The following BICDL2 variants were observed in gnomAD, a reference collection of about 807,000 sequenced individuals.
The protein encoded by BICDL2 is BICD family-like cargo adapter 2.
A neutral mutation model predicts 56.6 loss-of-function variants in BICDL2; 62 were observed. The ratio of observed to expected loss-of-function variants is 1.10; its 90% confidence interval spans 0.89 to 1.35. BICDL2 has a LOEUF of 1.35. Among genes scored for constraint, BICDL2 ranks in the 40% most tolerant of loss-of-function variants. The probability of loss-of-function intolerance (pLI) is 0.00; values close to 1 mark genes in which losing one functional copy is unlikely to be tolerated. For synonymous variants in BICDL2, 358 were observed against 319.8 expected (o/e 1.12, Z -1.27); for missense variants, 808 against 684.5 (o/e 1.18, Z -2.01).
Position 3,029,407 on chromosome 16 carries a change from C to T in BICDL2, c.980G>A (p.Arg327Gln). The T allele has an allele frequency of 2.5e-6, 4 of 1,606,440 alleles. No homozygotes were observed. The highest frequency in any genetic ancestry group is 3.4e-6 in the Non-Finnish European group (4 of 1,178,844). The change falls in exon 7 of 10, where the codon CGA (arginine) becomes CAA (glutamine). Residue 327 changes from arginine (R) to glutamine (Q), a missense_variant. By Grantham distance (43) the Arg-to-Gln change is conservative (BLOSUM62 1). Coordinates refer to ENST00000572449, the MANE Select transcript of BICDL2 (RefSeq NM_001369667.1). Reference protein sequence around the residue: ...DTPTTRSPKTRKASSPQPSPP... With the variant: ...DTPTTRSPKTQKASSPQPSPP... The stretch of plus-strand genomic sequence containing the variant: ...TGAAGGCTGGGGGCTGGACGCCTTT[C>T]GGGTCTTTGGGGACCGGGTGGTCTG...
intron 2 of BICDL2, among the ~76,000 whole-genome samples, chr16:3,033,984 A>G (rs555389241): frequency 6.6e-6 from 1 of 152,238 alleles, no homozygotes; most frequent in Admixed American, 6.5e-5. Flanking sequence ...GGCTCAGGGC[A>G]GTGGTTGGGG....
At position 3,035,522 on chromosome 16, in the gene BICDL2, G is replaced by C; in HGVS notation, c.-26C>G. 6.3e-7 allele frequency: 1 copy of C among 1,589,658 alleles called. No homozygotes were observed. Among genetic ancestry groups the C allele is most frequent in the South Asian group, 1.1e-5 (1 of 89,664 alleles). ...GTCACCTGCAGCATCTGCGGGGACAGGTGGCTGCGGGACACTCTACTCTGC... is the reference window on the plus strand; with the variant it reads ...GTCACCTGCAGCATCTGCGGGGACACGTGGCTGCGGGACACTCTACTCTGC... On this transcript the variant is annotated 5_prime_UTR_variant, in exon 2 of 10. Coordinates refer to ENST00000572449, the MANE Select transcript of BICDL2 (RefSeq NM_001369667.1).
In BICDL2 at chr16:3,029,527, G is replaced by A. The variant is rs533652080; in HGVS notation, c.957+18C>T. 55 of 1,556,666 alleles carry A rather than the reference G, an allele frequency of 3.5e-5. No individual in the cohort carries two copies. Among genetic ancestry groups the A allele is most frequent in the Admixed American group, 5.8e-5 (3 of 51,486 alleles). On this transcript the variant is annotated intron_variant, in intron 6 of 9. Coordinates refer to ENST00000572449, the MANE Select transcript of BICDL2 (RefSeq NM_001369667.1). ...TCTCGATGGCACAGGTAAGGGGGCTGGGGCCCCACGAGCTCACCGGGGTGT... is the reference window on the plus strand; with the variant it reads ...TCTCGATGGCACAGGTAAGGGGGCTAGGGCCCCACGAGCTCACCGGGGTGT...
At chr16:3,036,031 C>T in intron 1 of BICDL2, 1 of 327,786 alleles carries the variant, frequency 3.1e-6, no homozygotes, top group Non-Finnish European at 6.0e-6. Flanking sequence ...GATCCCAGCC[C>T]CTGACCTCCC....
At chr16:3,029,472 G>C (rs1396975687) in intron 6 of BICDL2, 43 bp from the exon 7 acceptor site, 1 of 1,583,992 alleles carries the variant, frequency 6.3e-7, no homozygotes, top group Non-Finnish European at 8.5e-7. Flanking sequence ...AGTTTATTGG[G>C]GAAAGGAGGA....
chr16:3,036,756 T>C (rs2151146762), intron 1 of BICDL2, 138 bp downstream of exon 1: 1 of 375,046 alleles, frequency 2.7e-6, no homozygotes, highest in South Asian at 1.8e-5. Context: ...GCTGAGTTCC[T>C]GCCGGCGCCC....
rs751975231 is a variant in BICDL2, at chr16:3,028,758, C to G, written c.1180G>C (p.Glu394Gln). Reference protein sequence around the residue: ...LQRQKELRAQEDPGEALHSAL... With the variant: ...LQRQKELRAQQDPGEALHSAL... ...CTGTGCAGGGCCTCCCCAGGGTCTT[C>G]CTGCGCCCGCAGCTCCTTCTGCCTC... The change falls in exon 8 of 10, where the codon GAA (glutamate) becomes CAA (glutamine). Residue 394 changes from glutamate (E) to glutamine (Q), a missense_variant. By Grantham distance (29) the Glu-to-Gln change is conservative. Coordinates refer to ENST00000572449, the MANE Select transcript of BICDL2 (RefSeq NM_001369667.1). 7.0e-6 allele frequency: 11 copies of G among 1,560,830 alleles called. No individual in the cohort carries two copies. The highest frequency in any genetic ancestry group is 2.7e-5 in the African/African-American group (2 of 73,468).
intron 1 of BICDL2, 121 bp downstream of exon 1, chr16:3,036,772 TC>T: frequency 2.8e-6 from 1 of 354,900 alleles, no homozygotes; most frequent in Middle Eastern, 9.9e-4. Flanking sequence ...CGCCCCCGGT[TC>T]CCCGGCGATC....
chr16:3,028,716 C>G lies in BICDL2; in HGVS notation c.1222G>C (p.Asp408His). The G allele has an allele frequency of 6.4e-7, 1 of 1,569,036 alleles. No individual in the cohort carries two copies. Among genetic ancestry groups the G allele is most frequent in the Non-Finnish European group, 8.6e-7 (1 of 1,157,162 alleles). The change falls in exon 8 of 10, where the codon GAC (aspartate) becomes CAC (histidine). Residue 408 changes from aspartate to histidine, a missense_variant. By Grantham distance (81) the Asp-to-His change is moderately conservative. Coordinates refer to ENST00000572449, the MANE Select transcript of BICDL2 (RefSeq NM_001369667.1). ...GAGGCTTACTTGTTCACGGCCTCGTCCCGGTCTGAGAGGGCACTGTGCAGG... is the reference window on the plus strand; with the variant it reads ...GAGGCTTACTTGTTCACGGCCTCGTGCCGGTCTGAGAGGGCACTGTGCAGG... ...EALHSALSDR[D>H]EAVNKALELS...
chr16:3,029,647 G>A lies in BICDL2; in HGVS notation c.855C>T (p.Leu285=), dbSNP rs896999064. 7.2e-6 allele frequency: 11 copies of A among 1,535,862 alleles called. No homozygotes were observed. The East Asian group carries it at 9.8e-5, about 14-fold the overall frequency. ...RVSELEEESR[L]QDADVSAASL... ...AGGCAGCCGACACGTCGGCGTCCTG[G>A]AGGCGTGACTCCTCCTCCAGCTCGG... is the stretch of plus-strand genomic sequence containing the variant. Residue 285 remains leucine (L), a synonymous_variant, in exon 6 of 10, where the codon CTC becomes CTT. Transcript: ENST00000572449.
chr16:3,035,498 T>A lies in BICDL2; in HGVS notation c.-2A>T. Reference sequence around the variant, plus strand: ...GCTGGGCCCATCTGGAGAGCTCATGTCACCTGCAGCATCTGCGGGGACAGG... The same window carrying A: ...GCTGGGCCCATCTGGAGAGCTCATGACACCTGCAGCATCTGCGGGGACAGG... On this transcript the variant is annotated 5_prime_UTR_variant, in exon 2 of 10. Coordinates refer to ENST00000572449, the MANE Select transcript of BICDL2 (RefSeq NM_001369667.1). 1 of 1,603,836 alleles carries A rather than the reference T, an allele frequency of 6.2e-7. No homozygotes were observed. The highest frequency in any genetic ancestry group is 8.5e-7 in the Non-Finnish European group (1 of 1,175,718).
intron 2 of BICDL2, among the ~76,000 whole-genome samples, chr16:3,033,361 T>G (rs1274338659): frequency 1.3e-5 from 2 of 151,260 alleles, no homozygotes; most frequent in African/African-American, 4.9e-5. Context: ...GTGGCTGGAG[T>G]GTCTGTGGCA....
chr16:3,029,899 C>T lies in BICDL2; in HGVS notation c.763-160G>A, dbSNP rs1231005753. On this transcript the variant is annotated intron_variant, in intron 5 of 9. Coordinates refer to ENST00000572449, the MANE Select transcript of BICDL2 (RefSeq NM_001369667.1). Reference sequence around the variant, plus strand: ...ATCGCTGGGCGCCTTGGGCCGTGCACCTCCCTCAGCGGATATATACAGTTT... The same window carrying T: ...ATCGCTGGGCGCCTTGGGCCGTGCATCTCCCTCAGCGGATATATACAGTTT... 76 of 601,442 alleles carry T rather than the reference C, an allele frequency of 1.3e-4. No individual in the cohort carries two copies. The East Asian group carries it at 2.3e-3, about 19-fold the overall frequency. The allele number at this position is 601,442 out of a possible 1,614,324, so 37.3% of individuals were successfully genotyped here. A position where few individuals can be genotyped will look rare whatever the true frequency, so the allele number is the denominator to read the frequency against.
At chr16:3,032,194 A>G (rs1955667075) in intron 2 of BICDL2, 1 of 152,304 alleles carries the variant, frequency 6.6e-6, no homozygotes, top group Non-Finnish European at 1.5e-5. Context: ...TCGGCCTCCC[A>G]AAGTGCTGGG....
chr16:3,036,109 AG>A (rs1162303251), intron 1 of BICDL2: 1 of 367,080 alleles, frequency 2.7e-6, no homozygotes, highest in Non-Finnish European at 5.3e-6. Context: ...CCAGACTCAG[AG>A]GTCCCCACCT....
chr16:3,029,940 A>T (rs1250123411), intron 5 of BICDL2: 1 of 546,144 alleles, frequency 1.8e-6, no homozygotes, highest in Non-Finnish European at 3.2e-6. Flanking sequence ...CCTATAGAGC[A>T]GGGCCGCACC....
At chr16:3,029,783 C>T in intron 5 of BICDL2, 44 bp from the exon 6 acceptor site, 1 of 1,428,420 alleles carries the variant, frequency 7.0e-7, no homozygotes, top group Non-Finnish European at 9.2e-7. Flanking sequence ...GTCAGCGGGA[C>T]GCACGCAACG....
At position 3,030,932 on chromosome 16, in the gene BICDL2, C is replaced by T; in HGVS notation, c.498+3G>A. On this transcript the variant is annotated splice_donor_region_variant and intron_variant, in intron 3 of 9. Coordinates refer to ENST00000572449, the MANE Select transcript of BICDL2 (RefSeq NM_001369667.1). ...CAGGGCCCTGGGGTCAGGGCCATCC[C>T]ACCTGAGCCAGCTGCTGGCTGAGCC... is the stretch of plus-strand genomic sequence containing the variant. 1 of 1,546,464 alleles carries T rather than the reference C, an allele frequency of 6.5e-7. No homozygotes were observed. The highest frequency in any genetic ancestry group is 8.7e-7 in the Non-Finnish European group (1 of 1,151,550).
intron 1 of BICDL2, 77 bp downstream of exon 1, chr16:3,036,817 C>T: frequency 6.0e-6 from 2 of 331,298 alleles, no homozygotes; most frequent in East Asian, 2.2e-4. Flanking sequence ...GCTCCCCCAC[C>T]TTCTCCGCCG....
Sources: allele counts gnomAD v4.1 joint callset (sites outside exome capture counted in the v4.1 genomes callset), GRCh38; gene constraint gnomAD v4.1.1; transcripts MANE v1.5; gene names NCBI Gene and HGNC (gene_info 2026-07-23, HGNC 2026-07-21).